The following PEAK1 variants were observed in gnomAD, a reference collection of about 807,000 sequenced individuals.
The protein encoded by PEAK1 is inactive tyrosine-protein kinase PEAK1.
A neutral mutation model predicts 124.7 loss-of-function variants in PEAK1; 54 were observed. That is an observed-to-expected ratio of 0.43 (90% CI 0.35 to 0.54). PEAK1 has a LOEUF of 0.54. Ranked by LOEUF, PEAK1 falls within the 20% of genes least tolerant of loss-of-function variation. PEAK1 has a pLI of 0.01. For missense variants in PEAK1, 2,046 were observed against 2,134.5 expected (o/e 0.96, Z 0.82); for synonymous variants, 719 against 760.0 (o/e 0.95, Z 0.89).
rs1411703760 is a variant in PEAK1, at chr15:77,114,874, T to C, written c.4523A>G (p.Lys1508Arg). 2 of 1,613,484 alleles carry C rather than the reference T, an allele frequency of 1.2e-6. No homozygotes were observed. The highest frequency in any genetic ancestry group is 4.5e-5 in the East Asian group (2 of 44,854). Residue 1508 changes from lysine to arginine, a missense_variant, in exon 10 of 10, where the codon AAA becomes AGA. Coordinates refer to ENST00000682557, the MANE Select transcript of PEAK1 (RefSeq NM_001385026.1). Reference sequence around the variant, plus strand: ...ATCGCAGTGAGTGACATGGTAGGGTTTGAGGTGCTCAAGACCAGAGCATAG... The same window carrying C: ...ATCGCAGTGAGTGACATGGTAGGGTCTGAGGTGCTCAAGACCAGAGCATAG... ...LQLCSGLEHL[K>R]PYHVTHCDLR...
intron 1 of PEAK1, among the ~76,000 whole-genome samples, chr15:77,395,955 A>G (rs1310790095): frequency 6.6e-6 from 1 of 152,218 alleles, no homozygotes; most frequent in Non-Finnish European, 1.5e-5. Flanking sequence ...TAAAGTACTC[A>G]TATCTTGAGT....
chr15:77,165,525 C>G (rs2056028602), intron 7 of PEAK1, among the ~76,000 whole-genome samples: 1 of 152,032 alleles, frequency 6.6e-6, no homozygotes, highest in African/African-American at 2.4e-5. Flanking sequence ...GGGCCCCGGA[C>G]TTTTTTTCCC....
At chr15:77,402,589 T>C (rs979820620) in intron 1 of PEAK1, 20 of 980,822 alleles carry the variant, frequency 2.0e-5, no homozygotes, top group Middle Eastern at 5.2e-4. Context: ...ATGAAAGATA[T>C]GCTCCAGTTT....
At chr15:77,177,494 CT>C (rs2056957156) in intron 7 of PEAK1, among the ~76,000 whole-genome samples, 1 of 127,584 alleles carries the variant, frequency 7.8e-6, no homozygotes, top group Non-Finnish European at 1.8e-5. Flanking sequence ...TAGCATTTTG[CT>C]AGGAAAAGTA....
At chr15:77,153,534 A>G (rs1428790213) in intron 8 of PEAK1, among the ~76,000 whole-genome samples, 1 of 151,972 alleles carries the variant, frequency 6.6e-6, no homozygotes, top group Non-Finnish European at 1.5e-5. Context: ...TAGCTTTTGA[A>G]TGTGTTTGCT....
chr15:77,325,159 C>T (rs1300266232), intron 2 of PEAK1, among the ~76,000 whole-genome samples: 1 of 152,162 alleles, frequency 6.6e-6, no homozygotes, highest in East Asian at 1.9e-4. Flanking sequence ...TGGCTCATGC[C>T]TACAATCTCA....
intron 2 of PEAK1, chr15:77,335,157 T>C (rs1272683305): frequency 2.0e-6 from 2 of 985,356 alleles, no homozygotes; most frequent in Non-Finnish European, 2.4e-6. Context: ...CACTGTGCTT[T>C]GTAGGAACAT....
At chr15:77,232,340 G>A (rs1182165852) in intron 6 of PEAK1, among the ~76,000 whole-genome samples, 1 of 151,684 alleles carries the variant, frequency 6.6e-6, no homozygotes, top group Non-Finnish European at 1.5e-5. Flanking sequence ...CACACACACT[G>A]TGCCAACTGT....
chr15:77,369,436 A>C (rs915987223), intron 1 of PEAK1, among the ~76,000 whole-genome samples: 7 of 152,140 alleles, frequency 4.6e-5, no homozygotes, highest in African/African-American at 1.7e-4. Context: ...TGGTTTTCTA[A>C]ATTCTAGAAA....
At chr15:77,366,458 T>A (rs913252421) in intron 1 of PEAK1, among the ~76,000 whole-genome samples, 3 of 152,040 alleles carry the variant, frequency 2.0e-5, no homozygotes, top group African/African-American at 7.2e-5. Context: ...CAGCTACAAG[T>A]GATAACGTAA....
Position 77,338,647 on chromosome 15 carries a change from ATAT to A in PEAK1, c.-603+26513_-603+26515del, listed in dbSNP as rs1567278305. On this transcript the variant is annotated intron_variant, in intron 2 of 9. Coordinates refer to ENST00000682557, the MANE Select transcript of PEAK1 (RefSeq NM_001385026.1). Reference sequence around the variant, plus strand: ...ATGAAAAATCTTTAAAAAAAAAAATATATATATATATATATGTATCTAGCTATT... The same window carrying A: ...ATGAAAAATCTTTAAAAAAAAAAATAATATATATATATGTATCTAGCTATT... 2.9e-3 allele frequency among the ~76,000 whole-genome samples: 369 copies of A among 126,164 alleles called. 1 individual carries two copies. The highest frequency in any genetic ancestry group is 0.014 in the African/African-American group (348 of 25,392). The allele number at this position is 126,164 out of a possible 152,430, so 82.8% of individuals were successfully genotyped here. A position where few individuals can be genotyped will look rare whatever the true frequency, so the allele number is the denominator to read the frequency against.
intron 1 of PEAK1, chr15:77,381,208 C>T (rs2069450296): frequency 1.0e-6 from 1 of 982,210 alleles, no homozygotes; most frequent in African/African-American, 1.8e-5. Context: ...AGTTGGGAGA[C>T]AATGGAAGCA....
At chr15:77,336,111 C>G in intron 2 of PEAK1, 4 of 985,404 alleles carry the variant, frequency 4.1e-6, no homozygotes, top group Non-Finnish European at 4.8e-6. Context: ...GTGCCAACTT[C>G]TCTGAGATGA....
At position 77,111,249 on chromosome 15, in the gene PEAK1, G is replaced by A. The variant is rs1175601342; in HGVS notation, c.*2907C>T. On this transcript the variant is annotated 3_prime_UTR_variant, in exon 10 of 10. Coordinates refer to ENST00000682557, the MANE Select transcript of PEAK1 (RefSeq NM_001385026.1). The stretch of plus-strand genomic sequence containing the variant: ...AACACATAGATATATAAATGTGTGT[G>A]TATGTGTCTACAGAGGGTAGGATTT... 1 of 152,206 alleles carries A rather than the reference G, an allele frequency of 6.6e-6. No homozygotes were observed. The highest frequency in any genetic ancestry group is 1.5e-5 in the Non-Finnish European group (1 of 68,030). The allele number at this position is 152,206 out of a possible 1,614,324, so 9.4% of individuals were successfully genotyped here.
intron 2 of PEAK1, among the ~76,000 whole-genome samples, chr15:77,327,888 GGAA>G (rs1293053648): frequency 2.6e-5 from 4 of 151,932 alleles, no homozygotes; most frequent in Admixed American, 6.6e-5. Context: ...GCCACATTAT[GGAA>G]GAAGAAGGAA....
At chr15:77,212,131 A>G (rs2058935826) in intron 6 of PEAK1, among the ~76,000 whole-genome samples, 1 of 152,224 alleles carries the variant, frequency 6.6e-6, no homozygotes, top group Admixed American at 6.5e-5. Context: ...ATAAACTTAT[A>G]AAGAAAGATT....
At chr15:77,300,577 A>T (rs913062192) in intron 2 of PEAK1, among the ~76,000 whole-genome samples, 1 of 152,230 alleles carries the variant, frequency 6.6e-6, no homozygotes, top group African/African-American at 2.4e-5. Flanking sequence ...ATTTTACATT[A>T]GTATGATACC....
At chr15:77,134,736 C>T (rs944586056) in intron 8 of PEAK1, among the ~76,000 whole-genome samples, 1 of 152,168 alleles carries the variant, frequency 6.6e-6, no homozygotes, top group Non-Finnish European at 1.5e-5. Flanking sequence ...AATGAGGCCT[C>T]TACTCAAGAT....
intron 8 of PEAK1, among the ~76,000 whole-genome samples, chr15:77,146,993 T>C (rs2054220596): frequency 1.3e-5 from 2 of 152,196 alleles, no homozygotes; most frequent in African/African-American, 4.8e-5. Context: ...ACAGAAGACT[T>C]ATGTGTTTTC....
Sources: gnomAD v4.1 joint callset for allele counts (sites outside exome capture counted in the v4.1 genomes callset) on GRCh38, gnomAD v4.1.1 for gene constraint, MANE v1.5 for transcripts, NCBI Gene and HGNC (gene_info 2026-07-23, HGNC 2026-07-21) for gene names.